Variants in PAK5 observed in about 807,000 individuals in gnomAD.
PAK5 encodes p21 (RAC1) activated kinase 5, also known as serine/threonine-protein kinase PAK 5.
Under a neutral mutation model 65.9 loss-of-function variants are expected in PAK5, and 16 were observed. The ratio of observed to expected loss-of-function variants is 0.24; its 90% CI spans 0.16 to 0.37. The LOEUF is 0.37. Among genes scored for constraint, PAK5 ranks in the 10% least tolerant of loss-of-function variants. The pLI, the probability that PAK5 is intolerant of heterozygous loss-of-function variation, is 1.00. For synonymous variants in PAK5, 371 were observed against 354.9 expected (o/e 1.05, Z -0.51); for missense variants, 785 against 903.9 (o/e 0.87, Z 1.69).
chr20:9,558,708 G>A (rs960201269), intron 6 of PAK5, among the ~76,000 whole-genome samples: 32 of 152,050 alleles, frequency 2.1e-4, no homozygotes, highest in African/African-American at 7.0e-4. Context: ...GGTTTTTGTC[G>A]CTTCAGGTCC....
chr20:9,583,765 G>A (rs924588885), intron 3 of PAK5, among the ~76,000 whole-genome samples: 1 of 152,182 alleles, frequency 6.6e-6, no homozygotes, highest in African/African-American at 2.4e-5. Context: ...TATCTCCTGA[G>A]TTTCCTCTAG....
intron 3 of PAK5, among the ~76,000 whole-genome samples, chr20:9,638,962 C>A (rs1371432344): frequency 6.6e-6 from 1 of 152,156 alleles, no homozygotes; most frequent in Non-Finnish European, 1.5e-5. Flanking sequence ...ATTTTCCTTT[C>A]TCAATTTAAA....
At chr20:9,636,171 A>C (rs1280659422) in intron 3 of PAK5, among the ~76,000 whole-genome samples, 1 of 152,212 alleles carries the variant, frequency 6.6e-6, no homozygotes, top group Admixed American at 6.5e-5. Flanking sequence ...AGATTTTTAA[A>C]AATATTAAAG....
At chr20:9,812,350 T>C (rs2049307223) in intron 1 of PAK5, among the ~76,000 whole-genome samples, 1 of 151,770 alleles carries the variant, frequency 6.6e-6, no homozygotes, top group South Asian at 2.1e-4. Context: ...CCAGAGAAGA[T>C]GTACAAATGG....
intron 2 of PAK5, among the ~76,000 whole-genome samples, chr20:9,645,441 G>T (rs2047121266): frequency 6.6e-6 from 1 of 152,222 alleles, no homozygotes; most frequent in African/African-American, 2.4e-5. Context: ...CTACTCATCT[G>T]TGAATAGAAC....
chr20:9,643,601 T>A (rs1569016819), intron 3 of PAK5, among the ~76,000 whole-genome samples: 1 of 152,222 alleles, frequency 6.6e-6, no homozygotes, highest in Non-Finnish European at 1.5e-5. Context: ...TTTGTGTGTA[T>A]ATATACACAC....
At chr20:9,832,803 T>C (rs1978831964) in intron 1 of PAK5, among the ~76,000 whole-genome samples, 2 of 152,238 alleles carry the variant, frequency 1.3e-5, no homozygotes, top group South Asian at 2.1e-4. Flanking sequence ...GCATTGGTCT[T>C]TTATTTTTTC....
chr20:9,831,365 G>A (rs1978703811), intron 1 of PAK5, among the ~76,000 whole-genome samples: 1 of 152,260 alleles, frequency 6.6e-6, no homozygotes, highest in African/African-American at 2.4e-5. Flanking sequence ...AGTCACTGCT[G>A]ATACACTTGG....
intron 1 of PAK5, among the ~76,000 whole-genome samples, chr20:9,754,290 G>A (rs2048608521): frequency 6.6e-6 from 1 of 152,068 alleles, no homozygotes; most frequent in Admixed American, 6.6e-5. Context: ...TACTTAAATT[G>A]GTCTCCCCCA....
intron 1 of PAK5, among the ~76,000 whole-genome samples, chr20:9,786,017 A>T (rs1303853257): frequency 1.3e-5 from 2 of 152,114 alleles, no homozygotes; most frequent in Non-Finnish European, 2.9e-5. Context: ...TCCATCTTCC[A>T]TTCTTAGTAC....
At chr20:9,791,363 C>T (rs2049048414) in intron 1 of PAK5, among the ~76,000 whole-genome samples, 1 of 152,024 alleles carries the variant, frequency 6.6e-6, no homozygotes, top group Non-Finnish European at 1.5e-5. Context: ...AGGAAAAGAC[C>T]CACCACTCAC....
intron 2 of PAK5, among the ~76,000 whole-genome samples, chr20:9,662,099 T>C (rs138727033): frequency 6.4e-4 from 97 of 152,292 alleles, no homozygotes; most frequent in African/African-American, 2.2e-3. Flanking sequence ...AATTTTAATA[T>C]ATCTAATTTA....
In PAK5 at chr20:9,572,227, C is replaced by T. The variant is rs1201737699; in HGVS notation, c.991-5843G>A. Among the ~76,000 whole-genome samples the T allele has an allele frequency of 3.3e-5, 5 of 152,172 alleles. No individual in the cohort carries two copies. In the East Asian group the frequency reaches 9.6e-4, roughly 29 times the overall value. On this transcript the variant is annotated intron_variant, in intron 4 of 9. Transcript: ENST00000353224. ...AAAGCAGAACTCTGCATTGTTACAA[C>T]ATCACTCAGGCTTTCTTCTGTAAGT...
intron 3 of PAK5, among the ~76,000 whole-genome samples, chr20:9,606,513 G>T (rs2046457938): frequency 1.3e-5 from 2 of 152,182 alleles, no homozygotes; most frequent in South Asian, 4.1e-4. Flanking sequence ...CCCAGGAGGG[G>T]CAATAACTAC....
chr20:9,678,226 G>A (rs750566934), intron 2 of PAK5, among the ~76,000 whole-genome samples: 1 of 152,172 alleles, frequency 6.6e-6, no homozygotes, highest in Non-Finnish European at 1.5e-5. Flanking sequence ...GTATTAGAGA[G>A]AACAAGCTTG....
chr20:9,764,298 A>T (rs553946893), intron 1 of PAK5, among the ~76,000 whole-genome samples: 1 of 152,270 alleles, frequency 6.6e-6, no homozygotes, highest in Admixed American at 6.5e-5. Context: ...CATAGTTAAC[A>T]GTTTTGGTAG....
chr20:9,778,046 A>T (rs1471033909), intron 1 of PAK5, among the ~76,000 whole-genome samples: 1 of 152,208 alleles, frequency 6.6e-6, no homozygotes, highest in Non-Finnish European at 1.5e-5. Context: ...AATGTGTTCT[A>T]GTGTTTAATT....
intron 3 of PAK5, among the ~76,000 whole-genome samples, chr20:9,639,551 A>G (rs1412276459): frequency 1.3e-5 from 2 of 152,202 alleles, no homozygotes; most frequent in African/African-American, 4.8e-5. Context: ...CAGCGGCACA[A>G]TTGTGCCTCA....
intron 1 of PAK5, among the ~76,000 whole-genome samples, chr20:9,836,952 A>G (rs1284597327): frequency 6.6e-6 from 1 of 152,212 alleles, no homozygotes; most frequent in Non-Finnish European, 1.5e-5. Context: ...CAGAGTTCAA[A>G]CACCTGCCTC....
Sources: gnomAD v4.1 joint callset for allele counts (sites outside exome capture counted in the v4.1 genomes callset) on GRCh38, gnomAD v4.1.1 for gene constraint, MANE v1.5 for transcripts, NCBI Gene and HGNC (gene_info 2026-07-23, HGNC 2026-07-21) for gene names.